STAU2: variants seen among roughly 807,000 people sequenced by gnomAD.
The protein encoded by STAU2 is double-stranded RNA-binding protein Staufen homolog 2.
In STAU2, 20 loss-of-function variants were observed where a neutral mutation model predicts 65.9. The observed-to-expected ratio is 0.30, with a 90% CI of 0.21 to 0.44. STAU2 has a LOEUF of 0.44. STAU2 is among the 20% of genes least tolerant of loss of function. The pLI, the probability that STAU2 is intolerant of heterozygous loss-of-function variation, is 1.00. For missense variants in STAU2, 558 were observed against 683.9 expected (o/e 0.82, Z 2.05); for synonymous variants, 232 against 233.9 (o/e 0.99, Z 0.07).
At chr8:73,550,038 C>T in intron 13 of STAU2, 1 of 985,490 alleles carries the variant, frequency 1.0e-6, no homozygotes, top group Non-Finnish European at 1.2e-6. Flanking sequence ...ATGCATGTGG[C>T]CAGACTAAGT....
chr8:73,500,489 C>T (rs938184725), intron 13 of STAU2, among the ~76,000 whole-genome samples: 4 of 151,766 alleles, frequency 2.6e-5, no homozygotes, highest in African/African-American at 9.7e-5. Context: ...TTAAGTTACA[C>T]AGTATTTTGT....
intron 13 of STAU2, chr8:73,527,515 C>T: frequency 2.2e-6 from 1 of 445,412 alleles, no homozygotes; most frequent in East Asian, 3.1e-5. Context: ...TTTAAATCTA[C>T]TATGATATCA....
intron 3 of STAU2, among the ~76,000 whole-genome samples, chr8:73,712,833 G>C (rs1414943055): frequency 1.3e-5 from 2 of 152,168 alleles, no homozygotes; most frequent in Non-Finnish European, 2.9e-5. Flanking sequence ...GCACATGCCT[G>C]TACTCCTTGA....
chr8:73,440,120 T>C (rs924872840), intron 13 of STAU2: 2 of 152,298 alleles, frequency 1.3e-5, no homozygotes, highest in East Asian at 3.8e-4. Flanking sequence ...TTGCTTTTCC[T>C]CCTACTTCAG....
chr8:73,470,336 T>C (rs1449965996), intron 13 of STAU2, among the ~76,000 whole-genome samples: 1 of 152,120 alleles, frequency 6.6e-6, no homozygotes, highest in Non-Finnish European at 1.5e-5. Flanking sequence ...AAGGGAAGAA[T>C]TTAAGGCAGA....
At chr8:73,423,478 C>G (rs532634664) in intron 13 of STAU2, among the ~76,000 whole-genome samples, 2 of 152,294 alleles carry the variant, frequency 1.3e-5, no homozygotes, top group East Asian at 1.9e-4. Context: ...TCCCCTCCCC[C>G]AAGCCCGACA....
At chr8:73,509,967 A>G (rs1192637233) in intron 13 of STAU2, among the ~76,000 whole-genome samples, 2 of 152,226 alleles carry the variant, frequency 1.3e-5, no homozygotes, top group Non-Finnish European at 2.9e-5. Flanking sequence ...CTCAGGTAGT[A>G]AGCAAAGCAT....
intron 11 of STAU2, among the ~76,000 whole-genome samples, chr8:73,587,267 A>C (rs558201707): frequency 2.8e-3 from 421 of 152,326 alleles, no homozygotes; most frequent in Middle Eastern, 0.01. Context: ...AAAAAATTTC[A>C]GACCACAAGA....
At chr8:73,523,187 C>A (rs868224885) in intron 13 of STAU2, among the ~76,000 whole-genome samples, 2 of 100,676 alleles carry the variant, frequency 2.0e-5, no homozygotes, top group African/African-American at 7.4e-5. Context: ...CAGAGCAAGA[C>A]TTTGTCTCCA....
At chr8:73,546,298 G>A (rs1806934381) in intron 13 of STAU2, among the ~76,000 whole-genome samples, 4 of 151,928 alleles carry the variant, frequency 2.6e-5, no homozygotes, top group Non-Finnish European at 5.9e-5. Flanking sequence ...GGCTTACTCA[G>A]TTGTATATAT....
At position 73,552,233 on chromosome 8, in the gene STAU2, C is replaced by T; in HGVS notation, c.1309G>A (p.Gly437Ser). ...RHKVISGTTL[G>S]YLSPKDMNQP... ...TTCATATCTTTGGGTGACAAATAGC[C>T]TAGAGTAGTGCCAGAGATTACTTTG... Residue 437 changes from glycine (G) to serine (S), a missense_variant, in exon 13 of 15, where the codon GGC becomes AGC. Around this residue, in one of 3 missense-constraint regions of STAU2, gnomAD observed 247 missense variants for 270.1 expected, o/e 0.91. Transcript: ENST00000524300. The T allele has an allele frequency of 6.2e-7, 1 of 1,613,902 alleles. No homozygotes were observed. The highest frequency in any genetic ancestry group is 8.5e-7 in the Non-Finnish European group (1 of 1,179,860).
At chr8:73,734,336 T>C (rs1806280203) in intron 3 of STAU2, among the ~76,000 whole-genome samples, 1 of 150,326 alleles carries the variant, frequency 6.7e-6, no homozygotes, top group African/African-American at 2.4e-5. Context: ...ACAACTATGA[T>C]CACAATTTAA....
intron 13 of STAU2, among the ~76,000 whole-genome samples, chr8:73,425,345 T>C (rs1010738272): frequency 1.9e-4 from 29 of 152,240 alleles, no homozygotes; most frequent in Admixed American, 2.0e-4. Flanking sequence ...CACGTGAAGA[T>C]GGTGGTAGGG....
intron 13 of STAU2, among the ~76,000 whole-genome samples, chr8:73,474,988 C>A (rs906250877): frequency 6.6e-6 from 1 of 152,010 alleles, no homozygotes; most frequent in Non-Finnish European, 1.5e-5. Flanking sequence ...GTGAAAGAAA[C>A]AGAAAACAGA....
chr8:73,676,641 G>A (rs1470671854), intron 5 of STAU2, among the ~76,000 whole-genome samples: 1 of 152,184 alleles, frequency 6.6e-6, no homozygotes, highest in Non-Finnish European at 1.5e-5. Flanking sequence ...TCTCACCCAG[G>A]CTAGAGTGCA....
At chr8:73,670,944 T>G (rs1023395016) in intron 6 of STAU2, among the ~76,000 whole-genome samples, 1 of 152,112 alleles carries the variant, frequency 6.6e-6, no homozygotes, top group Admixed American at 6.6e-5. Flanking sequence ...AAGCCAAATT[T>G]TTTAAAGCAG....
chr8:73,619,748 C>T (rs894918025), intron 6 of STAU2, among the ~76,000 whole-genome samples: 1 of 151,712 alleles, frequency 6.6e-6, no homozygotes, highest in Non-Finnish European at 1.5e-5. Context: ...GCAAGGGAAA[C>T]AATAGACAGC....
At chr8:73,513,678 T>C (rs1184219838) in intron 13 of STAU2, among the ~76,000 whole-genome samples, 1 of 152,214 alleles carries the variant, frequency 6.6e-6, no homozygotes, top group African/African-American at 2.4e-5. Context: ...AGTCTGCTGA[T>C]ACACTGTTGG....
intron 13 of STAU2, among the ~76,000 whole-genome samples, chr8:73,464,242 C>T (rs1268141008): frequency 2.0e-5 from 3 of 152,146 alleles, no homozygotes; most frequent in Non-Finnish European, 2.9e-5. Context: ...GCTACCCAAT[C>T]TTCTAAGCTC....
Sources: gnomAD v4.1 joint callset for allele counts (sites outside exome capture counted in the v4.1 genomes callset) on GRCh38, gnomAD v4.1.1 for gene constraint, gnomAD v4.1.1 regional missense constraint, MANE v1.5 for transcripts, NCBI Gene and HGNC (gene_info 2026-07-23, HGNC 2026-07-21) for gene names.